SDK1: variants seen among roughly 807,000 people sequenced by gnomAD.
The protein encoded by SDK1 is sidekick cell adhesion molecule 1, also known as protein sidekick-1.
A neutral mutation model predicts 245.5 loss-of-function variants in SDK1; 157 were observed. The ratio of observed to expected loss-of-function variants is 0.64; its 90% confidence interval spans 0.56 to 0.73. The LOEUF (loss-of-function observed/expected upper bound fraction) is 0.73, where lower values mean the gene tolerates loss of function less well. Ranked by LOEUF, SDK1 falls within the 30% of genes least tolerant of loss-of-function variation. The pLI is 0.00. For missense variants in SDK1, 3,583 were observed against 3,002.3 expected, an observed-to-expected ratio of 1.19 and a Z score of -4.52; for synonymous variants, 1,647 against 1,278.5, an observed-to-expected ratio of 1.29 and a Z score of -6.15.
intron 25 of SDK1, among the ~76,000 whole-genome samples, chr7:4,125,142 T>G: frequency 7.6e-6 from 1 of 131,868 alleles, no homozygotes; most frequent in Admixed American, 7.6e-5. Context: ...AAAGATGGAA[T>G]GATCGATTTA....
chr7:4,220,886 C>A (rs575604558), intron 39 of SDK1, among the ~76,000 whole-genome samples: 1 of 128,258 alleles, frequency 7.8e-6, no homozygotes, highest in East Asian at 2.8e-4. Context: ...GATACCCCCA[C>A]CCCCCACCCC....
chr7:3,401,296 C>T (rs138526240), intron 1 of SDK1, among the ~76,000 whole-genome samples: 65 of 152,216 alleles, frequency 4.3e-4, no homozygotes, highest in African/African-American at 1.5e-3. Flanking sequence ...ATCATGGAGG[C>T]AGGATCAGAA....
intron 5 of SDK1, among the ~76,000 whole-genome samples, chr7:3,934,216 G>A (rs1193551052): frequency 1.3e-5 from 2 of 152,198 alleles, no homozygotes; most frequent in Non-Finnish European, 2.9e-5. Flanking sequence ...CCATAATTGT[G>A]AATTTCAAGA....
Position 4,114,258 on chromosome 7 carries a change from C to G in SDK1, c.3807C>G (p.Gly1269=). The change falls in exon 25 of 45, where the codon GGC becomes GGG. Residue 1269 remains glycine, a synonymous_variant. Coordinates refer to ENST00000404826, the MANE Select transcript of SDK1 (RefSeq NM_152744.4). Reference sequence around the variant, plus strand: ...GGCCGTGGAGCGAGGTGGTGCGGGGCCGGACGCGGGAGTCAGGTGAGGGGA... The same window carrying G: ...GGCCGTGGAGCGAGGTGGTGCGGGGGCGGACGCGGGAGTCAGGTGAGGGGA... ...GAGPWSEVVR[G]RTRESVPSAA... is the part of the protein sequence containing the mutation. The G allele has an allele frequency of 6.2e-7, 1 of 1,606,326 alleles. No individual in the cohort carries two copies. The highest frequency in any genetic ancestry group is 8.5e-7 in the Non-Finnish European group (1 of 1,177,260).
At chr7:3,985,698 G>T (rs1242245413) in intron 13 of SDK1, among the ~76,000 whole-genome samples, 1 of 152,126 alleles carries the variant, frequency 6.6e-6, no homozygotes, top group African/African-American at 2.4e-5. Flanking sequence ...GAGAAAACAA[G>T]ACGACATCCT....
chr7:3,895,048 C>G (rs1448214668), intron 5 of SDK1, among the ~76,000 whole-genome samples: 2 of 152,112 alleles, frequency 1.3e-5, no homozygotes, highest in Non-Finnish European at 2.9e-5. Flanking sequence ...ATTCATTCCT[C>G]TAAAAATATT....
chr7:3,783,886 A>T (rs142302510), intron 4 of SDK1, among the ~76,000 whole-genome samples: 1 of 151,356 alleles, frequency 6.6e-6, no homozygotes, highest in Non-Finnish European at 1.5e-5. Context: ...AATACCCCCA[A>T]ATAGCCAAGG....
At chr7:4,025,853 A>G (rs1014425591) in intron 17 of SDK1, among the ~76,000 whole-genome samples, 1 of 152,186 alleles carries the variant, frequency 6.6e-6, no homozygotes, top group Non-Finnish European at 1.5e-5. Flanking sequence ...GCCCTGTCAC[A>G]TGTGAGTTAG....
At chr7:4,104,560 A>G (rs1782782165) in intron 22 of SDK1, among the ~76,000 whole-genome samples, 1 of 152,166 alleles carries the variant, frequency 6.6e-6, no homozygotes, top group South Asian at 2.1e-4. Flanking sequence ...CTTATTGAGC[A>G]TTCTTTCTTT....
chr7:3,616,867 A>G (rs1291245262), intron 1 of SDK1, among the ~76,000 whole-genome samples: 1 of 152,228 alleles, frequency 6.6e-6, no homozygotes, highest in Non-Finnish European at 1.5e-5. Context: ...ACAGCTTAGT[A>G]ATGTCACAAA....
intron 4 of SDK1, among the ~76,000 whole-genome samples, chr7:3,756,929 G>T (rs1042845651): frequency 1.2e-4 from 19 of 152,134 alleles, no homozygotes; most frequent in African/African-American, 3.6e-4. Flanking sequence ...TGACCCTTTG[G>T]TGAGGGTGGT....
chr7:3,766,824 T>C (rs1429563625), intron 4 of SDK1, among the ~76,000 whole-genome samples: 1 of 152,214 alleles, frequency 6.6e-6, no homozygotes, highest in African/African-American at 2.4e-5. Context: ...CTATTAGATG[T>C]GGATACTTTG....
chr7:3,984,408 T>C (rs1783657625), intron 13 of SDK1, among the ~76,000 whole-genome samples: 1 of 152,190 alleles, frequency 6.6e-6, no homozygotes, highest in African/African-American at 2.4e-5. Context: ...TGAAATCAAG[T>C]GCAAGAGGCC....
In SDK1 at chr7:3,620,653, C is replaced by T. The variant is rs112808290; in HGVS notation, c.458+1414C>T. On this transcript the variant is annotated intron_variant, in intron 2 of 44. Transcript: ENST00000404826. ...TCTAAGATTTTCTGTAAAAACCTTG[C>T]TTCCCAGCCTCTGCAGACCAGTCAG... Among the ~76,000 whole-genome samples the T allele has an allele frequency of 1.4e-4, 22 of 152,232 alleles. 1 individual carries two copies. The highest frequency in any genetic ancestry group is 4.6e-4 in the Admixed American group (7 of 15,280).
At chr7:3,949,485 A>G (rs1446753007) in intron 5 of SDK1, among the ~76,000 whole-genome samples, 1 of 152,222 alleles carries the variant, frequency 6.6e-6, no homozygotes, top group Non-Finnish European at 1.5e-5. Context: ...AGAACCTTTC[A>G]GTTGCCAGAA....
chr7:3,418,881 G>T (rs188675502), intron 1 of SDK1, among the ~76,000 whole-genome samples: 56 of 152,280 alleles, frequency 3.7e-4, no homozygotes, highest in Admixed American at 1.4e-3. Context: ...CACGTACTCA[G>T]TCTTACAGTC....
chr7:4,192,722 A>G (rs971196980), intron 35 of SDK1, among the ~76,000 whole-genome samples: 9 of 152,030 alleles, frequency 5.9e-5, no homozygotes, highest in African/African-American at 2.2e-4. Context: ...AATGATCTGG[A>G]ACCAAACCCA....
At chr7:3,935,089 C>A (rs1583585823) in intron 5 of SDK1, among the ~76,000 whole-genome samples, 1 of 152,190 alleles carries the variant, frequency 6.6e-6, no homozygotes, top group Non-Finnish European at 1.5e-5. Flanking sequence ...ATATCTCTGG[C>A]CACAGAATGG....
intron 1 of SDK1, among the ~76,000 whole-genome samples, chr7:3,545,204 C>T (rs77746712): frequency 0.055 from 8,286 of 151,990 alleles, 291 homozygotes; most frequent in African/African-American, 0.093. Context: ...CATACTGTGC[C>T]CAATGAGAAA....
Sources: allele counts gnomAD v4.1 joint callset (sites outside exome capture counted in the v4.1 genomes callset), GRCh38; gene constraint gnomAD v4.1.1; transcripts MANE v1.5; gene names NCBI Gene and HGNC (gene_info 2026-07-23, HGNC 2026-07-21).